DCC: variants seen among roughly 807,000 people sequenced by gnomAD.
DCC encodes DCC netrin 1 receptor, also known as netrin receptor DCC.
DCC carries 58 observed loss-of-function variants against 172.5 expected under a neutral mutation model. That is an observed-to-expected ratio of 0.34 (90% CI 0.27 to 0.42). The LOEUF (loss-of-function observed/expected upper bound fraction) is 0.42. Among genes scored for constraint, DCC ranks in the 10% least tolerant of loss-of-function variants. DCC has a pLI of 1.00. For missense variants in DCC, 1,740 were observed against 1,791.0 expected, an observed-to-expected ratio of 0.97 and a Z score of 0.51; for synonymous variants, 709 against 644.5, an observed-to-expected ratio of 1.10 and a Z score of -1.52.
chr18:53,364,631 G>C (rs574316970), intron 15 of DCC, among the ~76,000 whole-genome samples: 1 of 151,936 alleles, frequency 6.6e-6, no homozygotes, highest in African/African-American at 2.4e-5. Flanking sequence ...ATGGTGACTC[G>C]GGGGAAAAAT....
At position 52,991,485 on chromosome 18, in the gene DCC, C is replaced by G. The variant is rs578219414; in HGVS notation, c.985+66115C>G. Reference sequence around the variant, plus strand: ...ATAAGGCTGTACATTCTGGCTTTCTCTCTAAGTGGTTTATTCTGCCAACCC... The same window carrying G: ...ATAAGGCTGTACATTCTGGCTTTCTGTCTAAGTGGTTTATTCTGCCAACCC... On this transcript the variant is annotated intron_variant, in intron 5 of 28. Coordinates refer to ENST00000442544, the MANE Select transcript of DCC (RefSeq NM_005215.4). Among the ~76,000 whole-genome samples, 5 of 152,282 alleles carry G rather than the reference C, an allele frequency of 3.3e-5. No individual in the cohort carries two copies. The South Asian group carries it at 8.3e-4, about 25-fold the overall frequency.
intron 5 of DCC, among the ~76,000 whole-genome samples, chr18:52,996,490 G>T (rs2041481623): frequency 6.6e-6 from 1 of 151,862 alleles, no homozygotes; most frequent in African/African-American, 2.4e-5. Context: ...TTGAGAGATT[G>T]TATGCAAGCA....
intron 2 of DCC, among the ~76,000 whole-genome samples, chr18:52,847,235 T>C (rs1394267697): frequency 6.6e-6 from 1 of 152,228 alleles, no homozygotes; most frequent in African/African-American, 2.4e-5. Flanking sequence ...TTCACACTTA[T>C]ATTTGAATTT....
intron 2 of DCC, among the ~76,000 whole-genome samples, chr18:52,854,514 T>A (rs948048324): frequency 6.6e-6 from 1 of 152,162 alleles, no homozygotes; most frequent in African/African-American, 2.4e-5. Flanking sequence ...TCTCCATGTT[T>A]TCCTCTTAGA....
intron 1 of DCC, among the ~76,000 whole-genome samples, chr18:52,428,540 T>C (rs1987518746): frequency 6.6e-6 from 1 of 152,126 alleles, no homozygotes; most frequent in South Asian, 2.1e-4. Flanking sequence ...AACAATAACT[T>C]GTACACCTGC....
At chr18:53,335,692 C>A (rs539909334) in intron 14 of DCC, among the ~76,000 whole-genome samples, 1 of 152,164 alleles carries the variant, frequency 6.6e-6, no homozygotes, top group East Asian at 1.9e-4. Context: ...ATCATTCAGA[C>A]TCTAGTAAAA....
chr18:53,255,929 A>G (rs1414495154), intron 12 of DCC, among the ~76,000 whole-genome samples: 1 of 152,054 alleles, frequency 6.6e-6, no homozygotes, highest in Non-Finnish European at 1.5e-5. Flanking sequence ...ATGGTATCTC[A>G]TTGTGGTTTT....
chr18:53,114,874 T>G (rs1004198945), intron 7 of DCC, among the ~76,000 whole-genome samples: 2 of 151,608 alleles, frequency 1.3e-5, no homozygotes, highest in Non-Finnish European at 3.0e-5. Context: ...TGAAGAAATT[T>G]TTATACACTT....
intron 2 of DCC, among the ~76,000 whole-genome samples, chr18:52,810,092 T>A (rs956690709): frequency 6.6e-5 from 10 of 151,930 alleles, no homozygotes; most frequent in African/African-American, 2.4e-4. Context: ...AAAAAAAATA[T>A]ATTCTCAAAA....
intron 5 of DCC, among the ~76,000 whole-genome samples, chr18:53,036,621 C>T (rs2042096260): frequency 6.6e-6 from 1 of 151,974 alleles, no homozygotes. Flanking sequence ...TCATAGGTTA[C>T]GTCTACACTG....
intron 8 of DCC, among the ~76,000 whole-genome samples, chr18:53,170,700 A>G (rs1021861524): frequency 2.0e-5 from 3 of 152,210 alleles, no homozygotes; most frequent in Non-Finnish European, 4.4e-5. Flanking sequence ...TTTTACCTAC[A>G]GCATTTCATT....
At chr18:52,415,591 T>G (rs1179050464) in intron 1 of DCC, among the ~76,000 whole-genome samples, 1 of 152,006 alleles carries the variant, frequency 6.6e-6, no homozygotes, top group East Asian at 1.9e-4. Flanking sequence ...GGAAAGTGCA[T>G]AAGGCTGAGA....
At chr18:53,230,716 T>C (rs2056107973) in intron 12 of DCC, among the ~76,000 whole-genome samples, 1 of 152,048 alleles carries the variant, frequency 6.6e-6, no homozygotes, top group Non-Finnish European at 1.5e-5. Context: ...GAGCAAATGC[T>C]GGCCTTAAGA....
chr18:52,538,545 C>A (rs1473274688), intron 1 of DCC, among the ~76,000 whole-genome samples: 3 of 152,090 alleles, frequency 2.0e-5, no homozygotes, highest in African/African-American at 7.2e-5. Context: ...ATAAATCCTG[C>A]CTTATTATTT....
At chr18:53,346,279 T>C (rs947481910) in intron 15 of DCC, among the ~76,000 whole-genome samples, 5 of 152,314 alleles carry the variant, frequency 3.3e-5, no homozygotes, top group African/African-American at 1.2e-4. Flanking sequence ...ATAGTCATTT[T>C]TTACTATATC....
intron 1 of DCC, among the ~76,000 whole-genome samples, chr18:52,347,642 G>A (rs1003631079): frequency 2.7e-4 from 41 of 152,212 alleles, no homozygotes; most frequent in African/African-American, 9.4e-4. Context: ...ACTAAGTTTT[G>A]TTGGGGTTGT....
chr18:53,038,077 A>C (rs936047947), intron 5 of DCC, among the ~76,000 whole-genome samples: 6 of 152,022 alleles, frequency 3.9e-5, no homozygotes. Context: ...ACCAATATTT[A>C]GCGCTGTTAT....
intron 2 of DCC, among the ~76,000 whole-genome samples, chr18:52,785,886 A>G (rs555465683): frequency 2.0e-5 from 3 of 149,894 alleles, no homozygotes; most frequent in South Asian, 2.1e-4. Flanking sequence ...ACAACCAACT[A>G]TTATTTTTAG....
At chr18:52,818,922 G>T (rs998337053) in intron 2 of DCC, among the ~76,000 whole-genome samples, 4 of 152,256 alleles carry the variant, frequency 2.6e-5, no homozygotes, top group African/African-American at 9.6e-5. Context: ...TCTAAGACTT[G>T]CATTCTTAAT....
Sources: allele counts gnomAD v4.1 joint callset (sites outside exome capture counted in the v4.1 genomes callset), GRCh38; gene constraint gnomAD v4.1.1; transcripts MANE v1.5; gene names NCBI Gene and HGNC (gene_info 2026-07-23, HGNC 2026-07-21).